SLCO1B3: variants seen among roughly 807,000 people sequenced by gnomAD.
SLCO1B3 encodes solute carrier organic anion transporter family member 1B3.
A neutral mutation model predicts 71.8 loss-of-function variants in SLCO1B3; 72 were observed. The ratio of observed to expected loss-of-function variants is 1.00; its 90% confidence interval spans 0.83 to 1.22. SLCO1B3 has a LOEUF of 1.22. SLCO1B3 is among the 50% of genes most tolerant of loss of function. SLCO1B3 has a pLI of 0.00. For missense variants in SLCO1B3, 911 were observed against 819.7 expected, an observed-to-expected ratio of 1.11 and a Z score of -1.36; for synonymous variants, 298 against 278.4, an observed-to-expected ratio of 1.07 and a Z score of -0.70.
At chr12:20,832,940 AAAC>A (rs1864574370) in intron 3 of SLCO1B3, among the ~76,000 whole-genome samples, 1 of 116,002 alleles carries the variant, frequency 8.6e-6, no homozygotes, top group African/African-American at 2.5e-5. Context: ...GGCATAAAAC[AAAC>A]AAAAAAAATT....
At position 20,830,473 on chromosome 12, in the gene SLCO1B3, G is replaced by C. The variant is rs184306027; in HGVS notation, c.84+14651G>C. Among the ~76,000 whole-genome samples, 10 of 152,280 alleles carry C rather than the reference G, an allele frequency of 6.6e-5. No individual in the cohort carries two copies. In the East Asian group the frequency reaches 1.9e-3, roughly 29 times the overall value. ...AGAAAAATGAGCAGGTAGGTAAATA[G>C]TCAAGTATGTATGCATCTTGCACTT... On this transcript the variant is annotated intron_variant, in intron 3 of 15. Transcript: ENST00000381545.
intron 3 of SLCO1B3, among the ~76,000 whole-genome samples, chr12:20,835,863 A>G (rs1864668100): frequency 6.6e-6 from 1 of 152,162 alleles, no homozygotes; most frequent in African/African-American, 2.4e-5. Context: ...ATCCTGTAGC[A>G]ATGCCCCTCA....
chr12:20,867,874 C>T (rs901957414), intron 8 of SLCO1B3, among the ~76,000 whole-genome samples: 11 of 151,994 alleles, frequency 7.2e-5, no homozygotes, highest in African/African-American at 2.2e-4. Flanking sequence ...CTGTGTGTAC[C>T]TGCCTTTCCT....
intron 13 of SLCO1B3, among the ~76,000 whole-genome samples, 180 bp downstream of exon 13, chr12:20,883,782 A>G (rs1033427930): frequency 1.3e-5 from 2 of 151,864 alleles, no homozygotes; most frequent in Non-Finnish European, 3.0e-5. Context: ...TTTTGTCTCT[A>G]ATACTTCCAT....
At chr12:20,898,088 A>G (rs1488113990) in intron 13 of SLCO1B3, among the ~76,000 whole-genome samples, 14 of 152,224 alleles carry the variant, frequency 9.2e-5, no homozygotes. Flanking sequence ...ATCCTTTAAT[A>G]GGAGGTACCT....
chr12:20,849,670 T>C (rs1864983019), intron 3 of SLCO1B3, among the ~76,000 whole-genome samples: 1 of 100,504 alleles, frequency 9.9e-6, no homozygotes, highest in African/African-American at 2.8e-5. Flanking sequence ...ACAAGAAATC[T>C]ACTAGAGCTA....
intron 13 of SLCO1B3, among the ~76,000 whole-genome samples, chr12:20,891,786 A>G (rs749489250): frequency 6.6e-6 from 1 of 152,002 alleles, no homozygotes; most frequent in African/African-American, 2.4e-5. Context: ...TAGCTCTGAA[A>G]TTGTTTATTC....
chr12:20,864,286 A>T (rs1011489706), intron 8 of SLCO1B3, among the ~76,000 whole-genome samples: 9 of 151,846 alleles, frequency 5.9e-5, no homozygotes, highest in African/African-American at 2.2e-4. Flanking sequence ...ACAACAATCT[A>T]TAAATATTTG....
At chr12:20,913,813 T>C (rs1866436376) in intron 15 of SLCO1B3, among the ~76,000 whole-genome samples, 1 of 152,136 alleles carries the variant, frequency 6.6e-6, no homozygotes, top group South Asian at 2.1e-4. Context: ...GAGCAGTGGC[T>C]TGAACATGGC....
chr12:20,856,004 C>G (rs1865127275), intron 4 of SLCO1B3, among the ~76,000 whole-genome samples: 2 of 151,938 alleles, frequency 1.3e-5, no homozygotes, highest in African/African-American at 2.4e-5. Flanking sequence ...ATGTAATTGT[C>G]AAAGGAAGAT....
chr12:20,864,414 T>C (rs1382040548), intron 8 of SLCO1B3, among the ~76,000 whole-genome samples: 1 of 152,194 alleles, frequency 6.6e-6, no homozygotes, highest in East Asian at 1.9e-4. Flanking sequence ...AGGACTTAAA[T>C]AGATCACTCC....
At chr12:20,838,361 T>C (rs1297794113) in intron 3 of SLCO1B3, among the ~76,000 whole-genome samples, 1 of 152,036 alleles carries the variant, frequency 6.6e-6, no homozygotes, top group Non-Finnish European at 1.5e-5. Flanking sequence ...AAAGTGGGTG[T>C]CATGCACACA....
rs1214108712 is a variant in SLCO1B3, at chr12:20,850,331, G to A, written c.85-4697G>A. Among the ~76,000 whole-genome samples, 15 of 150,624 alleles carry A rather than the reference G, an allele frequency of 1.0e-4. No individual in the cohort carries two copies. In the East Asian group the frequency reaches 1.6e-3, roughly 16 times the overall value. Reference sequence around the variant, plus strand: ...GTCTCGCTCTGTCGCCAAGGCTGGAGTGCCATGGCGCATTCTCGGCTCACT... The same window carrying A: ...GTCTCGCTCTGTCGCCAAGGCTGGAATGCCATGGCGCATTCTCGGCTCACT... On this transcript the variant is annotated intron_variant, in intron 3 of 15. Coordinates refer to ENST00000381545, the MANE Select transcript of SLCO1B3 (RefSeq NM_019844.4).
intron 3 of SLCO1B3, among the ~76,000 whole-genome samples, chr12:20,841,928 AG>A (rs1298002454): frequency 1.4e-5 from 2 of 147,206 alleles, no homozygotes; most frequent in Non-Finnish European, 3.0e-5. Flanking sequence ...TCTTTCACCC[AG>A]GCTAGAGTGC....
chr12:20,879,294 C>T lies in SLCO1B3; in HGVS notation c.1136-142C>T, dbSNP rs147007815. 115 of 499,932 alleles carry T rather than the reference C, an allele frequency of 2.3e-4. 1 individual carries two copies. Among genetic ancestry groups the T allele is most frequent in the African/African-American group, 1.4e-3 (67 of 49,316 alleles). 31.0% of individuals were successfully genotyped at this position (499,932 alleles called of 1,614,324 possible). A position where few individuals can be genotyped will look rare whatever the true frequency, so the allele number is the denominator to read the frequency against. On this transcript the variant is annotated intron_variant, in intron 10 of 15. Coordinates refer to ENST00000381545, the MANE Select transcript of SLCO1B3 (RefSeq NM_019844.4). Reference sequence around the variant, plus strand: ...CGCGATCTCGGCTCACTGCAAGCTCCGCCTCCCAGGTTCTCCACCCTTCTC... The same window carrying T: ...CGCGATCTCGGCTCACTGCAAGCTCTGCCTCCCAGGTTCTCCACCCTTCTC...
Position 20,882,154 on chromosome 12 carries a change from T to G in SLCO1B3, c.1497+1134T>G, listed in dbSNP as rs887573392. 5.9e-5 allele frequency among the ~76,000 whole-genome samples: 9 copies of G among 152,146 alleles called. 1 individual carries two copies. Among genetic ancestry groups the G allele is most frequent in the Non-Finnish European group, 1.0e-4 (7 of 68,014 alleles). ...AGACCTGAAAGAGAGGTGATATTAGTATCCTAAAGAGAGCTCTGTCTTCAT... is the reference window on the plus strand; with the variant it reads ...AGACCTGAAAGAGAGGTGATATTAGGATCCTAAAGAGAGCTCTGTCTTCAT... On this transcript the variant is annotated intron_variant, in intron 12 of 15. Coordinates refer to ENST00000381545, the MANE Select transcript of SLCO1B3 (RefSeq NM_019844.4).
rs2121177947 is a variant in SLCO1B3 at position 20,842,807 on chromosome 12, C to T, written c.85-12221C>T. Among the ~76,000 whole-genome samples, 3 of 152,186 alleles carry T rather than the reference C, an allele frequency of 2.0e-5. No individual in the cohort carries two copies. The Middle Eastern group carries it at 0.01, about 518-fold the overall frequency. Reference sequence around the variant, plus strand: ...ACAAGGCAAATACTGTAGCATATTGCTATGGTCTGAATATTTGTACTGTCT... The same window carrying T: ...ACAAGGCAAATACTGTAGCATATTGTTATGGTCTGAATATTTGTACTGTCT... On this transcript the variant is annotated intron_variant, in intron 3 of 15. Coordinates refer to ENST00000381545, the MANE Select transcript of SLCO1B3 (RefSeq NM_019844.4).
At chr12:20,826,075 C>G (rs199721915) in intron 3 of SLCO1B3, among the ~76,000 whole-genome samples, 5 of 152,032 alleles carry the variant, frequency 3.3e-5, no homozygotes, top group Non-Finnish European at 7.4e-5. Flanking sequence ...AACATGCAAT[C>G]AAAACTAATG....
chr12:20,905,611 G>C (rs183962112), intron 15 of SLCO1B3, among the ~76,000 whole-genome samples: 1 of 152,232 alleles, frequency 6.6e-6, no homozygotes, highest in Admixed American at 6.5e-5. Context: ...CTCTAGAGCA[G>C]GGACAAAATG....
Sources: allele counts gnomAD v4.1 joint callset (sites outside exome capture counted in the v4.1 genomes callset), GRCh38; gene constraint gnomAD v4.1.1; transcripts MANE v1.5; gene names NCBI Gene and HGNC (gene_info 2026-07-23, HGNC 2026-07-21).